EML4: variants seen among roughly 807,000 people sequenced by gnomAD.
The protein encoded by EML4 is echinoderm microtubule-associated protein-like 4.
A neutral mutation model predicts 129.0 loss-of-function variants in EML4; 72 were observed. The ratio of observed to expected loss-of-function variants is 0.56; its 90% confidence interval spans 0.46 to 0.68. The LOEUF is 0.68. EML4 is among the 30% of genes least tolerant of loss of function. EML4 has a pLI of 0.00. For missense variants in EML4, 1,363 were observed against 1,190.6 expected (o/e 1.14, Z -2.13); for synonymous variants, 532 against 405.0 (o/e 1.31, Z -3.77).
intron 1 of EML4, among the ~76,000 whole-genome samples, chr2:42,224,104 T>G (rs533203969): frequency 6.6e-6 from 1 of 152,282 alleles, no homozygotes; most frequent in African/African-American, 2.4e-5. Flanking sequence ...TTAAAACATG[T>G]ACTTCAGTGG....
chr2:42,305,722 A>G (rs114325437), intron 17 of EML4, among the ~76,000 whole-genome samples: 107 of 152,316 alleles, frequency 7.0e-4, no homozygotes, highest in Admixed American at 2.0e-3. Context: ...CATGAAGTCA[A>G]TTTTCCCAAA....
At chr2:42,237,279 C>T (rs1307544278) in intron 1 of EML4, among the ~76,000 whole-genome samples, 3 of 152,116 alleles carry the variant, frequency 2.0e-5, no homozygotes, top group Non-Finnish European at 4.4e-5. Context: ...AGCTATCTTT[C>T]CCATGTGTAT....
chr2:42,308,021 TA>T (rs111234531), intron 17 of EML4, among the ~76,000 whole-genome samples: 1 of 152,002 alleles, frequency 6.6e-6, no homozygotes, highest in African/African-American at 2.4e-5. Context: ...AAGTGACTAG[TA>T]AAAAAAAGTA....
intron 1 of EML4, among the ~76,000 whole-genome samples, chr2:42,223,540 T>G (rs1356286065): frequency 2.0e-5 from 3 of 152,180 alleles, no homozygotes; most frequent in Non-Finnish European, 4.4e-5. Context: ...AGTTAGAAAT[T>G]ACAAATTTTA....
intron 17 of EML4, among the ~76,000 whole-genome samples, chr2:42,304,978 G>A (rs1668508949): frequency 1.3e-5 from 2 of 152,076 alleles, no homozygotes; most frequent in South Asian, 4.1e-4. Context: ...AATTAGCCAG[G>A]CGCAGTGGCA....
At chr2:42,283,775 T>C (rs1280537318) in intron 8 of EML4, among the ~76,000 whole-genome samples, 1 of 152,200 alleles carries the variant, frequency 6.6e-6, no homozygotes, top group Non-Finnish European at 1.5e-5. Flanking sequence ...TGATGAAGAT[T>C]AGAAACAGCC....
chr2:42,262,204 A>G (rs1460868792), intron 4 of EML4, among the ~76,000 whole-genome samples: 5 of 152,158 alleles, frequency 3.3e-5, no homozygotes, highest in Admixed American at 1.3e-4. Flanking sequence ...TTTGCCTCAA[A>G]TCGCTAATGG....
chr2:42,259,579 G>T (rs1226595910), intron 3 of EML4, among the ~76,000 whole-genome samples: 3 of 151,992 alleles, frequency 2.0e-5, no homozygotes, highest in African/African-American at 7.2e-5. Context: ...CTTGTTGACT[G>T]TCTTTCATAA....
chr2:42,193,597 A>C (rs991112835), intron 1 of EML4, among the ~76,000 whole-genome samples: 1 of 151,706 alleles, frequency 6.6e-6, no homozygotes, highest in Non-Finnish European at 1.5e-5. Context: ...CATTGCTGAG[A>C]TTTCTTAAAG....
intron 1 of EML4, among the ~76,000 whole-genome samples, chr2:42,196,338 G>A (rs1193582683): frequency 1.3e-5 from 2 of 152,188 alleles, no homozygotes; most frequent in African/African-American, 2.4e-5. Context: ...ATCTGTTGAC[G>A]CTTGCTTATG....
At chr2:42,279,419 C>T (rs1037410633) in intron 6 of EML4, among the ~76,000 whole-genome samples, 5 of 151,096 alleles carry the variant, frequency 3.3e-5, no homozygotes, top group African/African-American at 1.2e-4. Flanking sequence ...CAGCAGTGTA[C>T]AAGGGTCCCA....
At chr2:42,209,748 G>A (rs191096976) in intron 1 of EML4, among the ~76,000 whole-genome samples, 1 of 152,106 alleles carries the variant, frequency 6.6e-6, no homozygotes, top group East Asian at 1.9e-4. Flanking sequence ...TGACCAACAC[G>A]GAGAAACCCG....
chr2:42,264,531 T>C (rs1172850534), intron 5 of EML4, among the ~76,000 whole-genome samples, 175 bp from the exon 6 acceptor site: 1 of 152,248 alleles, frequency 6.6e-6, no homozygotes. Flanking sequence ...AAATAGTGTA[T>C]ATTAGTAGTT....
intron 1 of EML4, among the ~76,000 whole-genome samples, chr2:42,235,533 A>C (rs1334238844): frequency 6.6e-6 from 1 of 152,184 alleles, no homozygotes; most frequent in Non-Finnish European, 1.5e-5. Context: ...TCTTCACTCA[A>C]CGTTAGCTTC....
At chr2:42,182,057 A>G (rs1023556584) in intron 1 of EML4, among the ~76,000 whole-genome samples, 1 of 149,274 alleles carries the variant, frequency 6.7e-6, no homozygotes, top group Non-Finnish European at 1.5e-5. Flanking sequence ...GGCTTCCATT[A>G]TGCTTAATGT....
intron 21 of EML4, 27 bp downstream of exon 21, chr2:42,326,279 A>G: frequency 1.3e-6 from 2 of 1,528,864 alleles, no homozygotes; most frequent in Non-Finnish European, 1.8e-6. Flanking sequence ...TGATGTAAAG[A>G]AGTGGTTTGT....
At chr2:42,264,983 T>C (rs908195863) in intron 6 of EML4, 1 of 1,538,676 alleles carries the variant, frequency 6.5e-7, no homozygotes, top group Non-Finnish European at 8.8e-7. Flanking sequence ...GGTTGCCTTC[T>C]AAGTGAATTT....
At chr2:42,250,942 T>C (rs1384455170) in intron 2 of EML4, among the ~76,000 whole-genome samples, 1 of 152,156 alleles carries the variant, frequency 6.6e-6, no homozygotes, top group Non-Finnish European at 1.5e-5. Context: ...TAGATTCTCA[T>C]AGGAGCATGC....
chr2:42,315,755 C>G (rs536027522), intron 17 of EML4, among the ~76,000 whole-genome samples: 1 of 152,100 alleles, frequency 6.6e-6, no homozygotes, highest in South Asian at 2.1e-4. Context: ...GTGGTATGCA[C>G]CTGTAGTCCC....
Sources: allele counts gnomAD v4.1 joint callset (sites outside exome capture counted in the v4.1 genomes callset), GRCh38; gene constraint gnomAD v4.1.1; transcripts MANE v1.5; gene names NCBI Gene and HGNC (gene_info 2026-07-23, HGNC 2026-07-21).